NEO1: variants seen among roughly 807,000 people sequenced by gnomAD.
The protein encoded by NEO1 is neogenin 1, also known as neogenin.
Under a neutral mutation model 159.7 loss-of-function variants are expected in NEO1, and 63 were observed. That is an observed-to-expected ratio of 0.39 (90% CI 0.32 to 0.49). The LOEUF (loss-of-function observed/expected upper bound fraction) is 0.49, where lower values mean the gene tolerates loss of function less well. Among genes scored for constraint, NEO1 ranks in the 20% least tolerant of loss-of-function variants. The pLI, the probability that NEO1 is intolerant of heterozygous loss-of-function variation, is 0.85. For missense variants in NEO1, 1,615 were observed against 1,831.0 expected (o/e 0.88, Z 2.15); for synonymous variants, 633 against 662.0 (o/e 0.96, Z 0.67).
chr15:73,230,419 G>A (rs1322089808), intron 7 of NEO1, among the ~76,000 whole-genome samples: 1 of 151,864 alleles, frequency 6.6e-6, no homozygotes, highest in Non-Finnish European at 1.5e-5. Flanking sequence ...TTCTTGATTT[G>A]AGTAACTTGT....
intron 7 of NEO1, among the ~76,000 whole-genome samples, chr15:73,226,747 C>T (rs763365122): frequency 7.2e-5 from 11 of 152,214 alleles, no homozygotes; most frequent in Non-Finnish European, 1.2e-4. Context: ...TGGGAAATAA[C>T]AATTTAGTAG....
At chr15:73,232,858 G>A (rs1257435558) in intron 7 of NEO1, among the ~76,000 whole-genome samples, 2 of 152,198 alleles carry the variant, frequency 1.3e-5, no homozygotes, top group African/African-American at 4.8e-5. Context: ...CCACTGGTTT[G>A]TAGGGCCTGC....
chr15:73,071,008 A>T (rs867898591), intron 1 of NEO1, among the ~76,000 whole-genome samples: 8 of 152,220 alleles, frequency 5.3e-5, no homozygotes, highest in Admixed American at 1.3e-4. Context: ...TCTGTAACCC[A>T]GGCTGGAGTG....
intron 20 of NEO1, 93 bp from the exon 21 acceptor site, chr15:73,274,599 T>TA: frequency 7.8e-7 from 1 of 1,281,936 alleles, no homozygotes; most frequent in Non-Finnish European, 1.1e-6. Flanking sequence ...GTGGGGGTTT[T>TA]AGTTTTTTTC....
At chr15:73,067,043 A>AT (rs1290551684) in intron 1 of NEO1, among the ~76,000 whole-genome samples, 7 of 152,282 alleles carry the variant, frequency 4.6e-5, no homozygotes, top group Admixed American at 4.6e-4. Flanking sequence ...TGAAAGCTGA[A>AT]TTCTCTCAAT....
At chr15:73,199,647 ATT>A (rs1361573720) in intron 7 of NEO1, among the ~76,000 whole-genome samples, 5 of 152,148 alleles carry the variant, frequency 3.3e-5, no homozygotes, top group Non-Finnish European at 7.4e-5. Flanking sequence ...TTCTTGGTAT[ATT>A]TGTGCTGCTA....
rs190116719 is a variant in NEO1 at position 73,106,994 on chromosome 15, C to G, written c.131-9546C>G. ...TATCTTGCTGGTTTTACCCTCAGTC[C>G]CTTGCTTTACAAACTCTTTTGTAGT... On this transcript the variant is annotated intron_variant, in intron 1 of 28. Transcript: ENST00000261908. 5.3e-5 allele frequency among the ~76,000 whole-genome samples: 8 copies of G among 152,226 alleles called. No individual in the cohort carries two copies. In the East Asian group the frequency reaches 1.5e-3, roughly 29 times the overall value.
At chr15:73,287,005 C>T (rs574819223) in intron 23 of NEO1, among the ~76,000 whole-genome samples, 1 of 152,324 alleles carries the variant, frequency 6.6e-6, no homozygotes, top group South Asian at 2.1e-4. Flanking sequence ...TCCTTACTCT[C>T]TTGCTTAAAA....
At chr15:73,134,381 G>A (rs899862592) in intron 4 of NEO1, among the ~76,000 whole-genome samples, 1 of 152,150 alleles carries the variant, frequency 6.6e-6, no homozygotes, top group Non-Finnish European at 1.5e-5. Context: ...TCAGCTTTCT[G>A]TGTCCAGAAA....
At chr15:73,235,688 C>T (rs1243523098) in intron 7 of NEO1, among the ~76,000 whole-genome samples, 1 of 152,198 alleles carries the variant, frequency 6.6e-6, no homozygotes, top group Non-Finnish European at 1.5e-5. Flanking sequence ...CAAGGTATAA[C>T]TTACAATGAA....
intron 13 of NEO1, among the ~76,000 whole-genome samples, chr15:73,256,519 T>C (rs2040358240): frequency 6.6e-6 from 1 of 152,112 alleles, no homozygotes; most frequent in South Asian, 2.1e-4. Flanking sequence ...ATAATGTTTT[T>C]ACTTGTTTAT....
intron 1 of NEO1, among the ~76,000 whole-genome samples, chr15:73,069,221 C>G (rs1162833663): frequency 6.6e-6 from 1 of 151,364 alleles, no homozygotes; most frequent in Non-Finnish European, 1.5e-5. Flanking sequence ...CTTGGCCTCC[C>G]AAAGTGCTGG....
At chr15:73,142,915 C>T (rs2032539873) in intron 5 of NEO1, among the ~76,000 whole-genome samples, 1 of 152,136 alleles carries the variant, frequency 6.6e-6, no homozygotes, top group Admixed American at 6.5e-5. Flanking sequence ...TAATATTTGA[C>T]CATAGACTTA....
chr15:73,288,179 A>G (rs1202100251), intron 23 of NEO1, 134 bp from the exon 24 acceptor site: 1 of 699,148 alleles, frequency 1.4e-6, no homozygotes, highest in East Asian at 2.5e-5. Flanking sequence ...TGTTGGGGGC[A>G]GGAGGTATGT....
intron 26 of NEO1, among the ~76,000 whole-genome samples, chr15:73,297,793 CTGTT>C (rs2042435745): frequency 6.6e-6 from 1 of 152,192 alleles, no homozygotes; most frequent in Non-Finnish European, 1.5e-5. Flanking sequence ...CTGGGCTGCT[CTGTT>C]TGTTGTCCAA....
At chr15:73,243,775 A>C (rs990967761) in intron 8 of NEO1, among the ~76,000 whole-genome samples, 10 of 152,256 alleles carry the variant, frequency 6.6e-5, no homozygotes, top group Non-Finnish European at 1.0e-4. Flanking sequence ...TGAAGTGTTA[A>C]TTTTAAGAAA....
At chr15:73,060,109 A>G (rs762947511) in intron 1 of NEO1, among the ~76,000 whole-genome samples, 2 of 152,158 alleles carry the variant, frequency 1.3e-5, no homozygotes, top group African/African-American at 2.4e-5. Flanking sequence ...TAATTTACAA[A>G]TTTAGGGATA....
chr15:73,089,762 T>G (rs930477100), intron 1 of NEO1, among the ~76,000 whole-genome samples: 1 of 152,216 alleles, frequency 6.6e-6, no homozygotes, highest in Non-Finnish European at 1.5e-5. Context: ...AAAATATACA[T>G]TATTTTTTAC....
At chr15:73,081,617 C>T (rs987870802) in intron 1 of NEO1, among the ~76,000 whole-genome samples, 8 of 151,894 alleles carry the variant, frequency 5.3e-5, no homozygotes, top group African/African-American at 1.9e-4. Context: ...TCACTGTCAC[C>T]CAGACTGGAG....
Sources: allele counts gnomAD v4.1 joint callset (sites outside exome capture counted in the v4.1 genomes callset), GRCh38; gene constraint gnomAD v4.1.1; transcripts MANE v1.5; gene names NCBI Gene and HGNC (gene_info 2026-07-23, HGNC 2026-07-21).